Variants in GRIK1 observed in about 807,000 individuals in gnomAD.
GRIK1 encodes glutamate ionotropic receptor kainate type subunit 1.
GRIK1 carries 69 observed loss-of-function variants against 105.7 expected under a neutral mutation model. The observed-to-expected ratio is 0.65, with a 90% CI of 0.54 to 0.80. GRIK1 has a LOEUF of 0.80. GRIK1 is among the 30% of genes least tolerant of loss of function. GRIK1 has a pLI of 0.00. For synonymous variants in GRIK1, 438 were observed against 431.3 expected (o/e 1.02, Z -0.19); for missense variants, 1,109 against 1,167.3 (o/e 0.95, Z 0.73).
chr21:29,580,415 A>G (rs2091002096), intron 13 of GRIK1, among the ~76,000 whole-genome samples: 3 of 152,060 alleles, frequency 2.0e-5, no homozygotes, highest in Admixed American at 6.6e-5. Flanking sequence ...ACCATACTTA[A>G]TTGCGTAACT....
chr21:29,713,939 G>C (rs1041579095), intron 1 of GRIK1, among the ~76,000 whole-genome samples: 6 of 152,062 alleles, frequency 3.9e-5, no homozygotes, highest in African/African-American at 9.7e-5. Flanking sequence ...AGCCTGAACT[G>C]TCTTGTCTTT....
chr21:29,849,932 G>T (rs2068251956), intron 1 of GRIK1, among the ~76,000 whole-genome samples: 1 of 152,132 alleles, frequency 6.6e-6, no homozygotes, highest in Admixed American at 6.6e-5. Context: ...ACCCAACAGT[G>T]GATGGCCCCT....
At chr21:29,629,133 G>A (rs1229955770) in intron 7 of GRIK1, among the ~76,000 whole-genome samples, 1 of 151,726 alleles carries the variant, frequency 6.6e-6, no homozygotes, top group Admixed American at 6.6e-5. Context: ...ATAGTACAAT[G>A]ATAAAAATGC....
intron 1 of GRIK1, among the ~76,000 whole-genome samples, chr21:29,882,347 A>G (rs913140587): frequency 1.3e-5 from 2 of 152,058 alleles, no homozygotes; most frequent in South Asian, 2.1e-4. Flanking sequence ...ACGTTTTAAC[A>G]TTTACTAATA....
intron 6 of GRIK1, among the ~76,000 whole-genome samples, chr21:29,643,599 G>C (rs1032096382): frequency 6.6e-6 from 1 of 152,234 alleles, no homozygotes; most frequent in Non-Finnish European, 1.5e-5. Flanking sequence ...TTTCTTGAGA[G>C]AGATTGAAAC....
intron 16 of GRIK1, among the ~76,000 whole-genome samples, chr21:29,553,944 TATAAC>T (rs1467413738): frequency 6.6e-6 from 1 of 152,180 alleles, no homozygotes; most frequent in African/African-American, 2.4e-5. Flanking sequence ...AACAGCTTCT[TATAAC>T]AAGAGCTTTG....
chr21:29,643,734 A>G (rs1397571978), intron 6 of GRIK1, among the ~76,000 whole-genome samples: 1 of 152,222 alleles, frequency 6.6e-6, no homozygotes, highest in Non-Finnish European at 1.5e-5. Flanking sequence ...GGTTTCCTTT[A>G]GGGATAAAAT....
chr21:29,555,725 C>T (rs990297311), intron 15 of GRIK1, among the ~76,000 whole-genome samples: 2 of 152,144 alleles, frequency 1.3e-5, no homozygotes, highest in African/African-American at 4.8e-5. Flanking sequence ...ACTTAGTTTG[C>T]AGCCATACCG....
At chr21:29,708,365 T>C (rs1305365524) in intron 1 of GRIK1, among the ~76,000 whole-genome samples, 2 of 152,234 alleles carry the variant, frequency 1.3e-5, no homozygotes, top group South Asian at 4.1e-4. Context: ...ATGGTCAGTA[T>C]TTTTTATTGC....
intron 3 of GRIK1, among the ~76,000 whole-genome samples, chr21:29,676,637 G>A (rs1382560467): frequency 6.6e-6 from 1 of 152,156 alleles, no homozygotes; most frequent in Non-Finnish European, 1.5e-5. Flanking sequence ...CAGTTGCAGT[G>A]AATGGTGAAG....
intron 1 of GRIK1, among the ~76,000 whole-genome samples, chr21:29,915,277 G>C (rs1397511058): frequency 6.6e-6 from 1 of 151,932 alleles, no homozygotes; most frequent in Non-Finnish European, 1.5e-5. Context: ...AGAGCTGACT[G>C]AATACACTAG....
chr21:29,870,801 A>G (rs73900260), intron 1 of GRIK1, among the ~76,000 whole-genome samples: 1,626 of 152,176 alleles, frequency 0.011, 27 homozygotes, highest in African/African-American at 0.037. Context: ...GATCATATTC[A>G]TCTATTCTTT....
At chr21:29,542,235 C>T in intron 16 of GRIK1, among the ~76,000 whole-genome samples, 1 of 152,068 alleles carries the variant, frequency 6.6e-6, no homozygotes, top group Non-Finnish European at 1.5e-5. Flanking sequence ...TCCCTAAGGA[C>T]CCCCTTTTCT....
intron 1 of GRIK1, among the ~76,000 whole-genome samples, chr21:29,696,083 C>T (rs363602): frequency 0.077 from 11,740 of 152,172 alleles, 789 homozygotes; most frequent in East Asian, 0.18. Context: ...AATGTTCCTG[C>T]TGAAATGACT....
At chr21:29,560,669 T>C (rs971326606) in intron 15 of GRIK1, among the ~76,000 whole-genome samples, 7 of 149,960 alleles carry the variant, frequency 4.7e-5, no homozygotes, top group African/African-American at 1.5e-4. Flanking sequence ...TGGCACCATC[T>C]CAGCTCACTG....
At chr21:29,793,461 GTC>G (rs1251022429) in intron 1 of GRIK1, among the ~76,000 whole-genome samples, 1 of 151,578 alleles carries the variant, frequency 6.6e-6, no homozygotes, top group Non-Finnish European at 1.5e-5. Flanking sequence ...CTCTCTCTTT[GTC>G]TCTCTCTCCC....
chr21:29,918,516 A>C (rs922190131), intron 1 of GRIK1, among the ~76,000 whole-genome samples: 3 of 152,126 alleles, frequency 2.0e-5, no homozygotes, highest in African/African-American at 7.2e-5. Flanking sequence ...AATATTCACC[A>C]GTATATGTTA....
At chr21:29,591,090 C>T in intron 10 of GRIK1, 22 bp downstream of exon 10, 1 of 1,283,730 alleles carries the variant, frequency 7.8e-7, no homozygotes, top group Non-Finnish European at 1.1e-6. Flanking sequence ...AAGACACCCT[C>T]AATTCCATGA....
chr21:29,627,733 G>T (rs145999649), intron 7 of GRIK1, among the ~76,000 whole-genome samples: 312 of 152,258 alleles, frequency 2.0e-3, no homozygotes, highest in African/African-American at 7.1e-3. Flanking sequence ...GAATGTGCAG[G>T]AGAGGAGTGA....
Sources: gnomAD v4.1 joint callset for allele counts (sites outside exome capture counted in the v4.1 genomes callset) on GRCh38, gnomAD v4.1.1 for gene constraint, MANE v1.5 for transcripts, NCBI Gene and HGNC (gene_info 2026-07-23, HGNC 2026-07-21) for gene names.